The following AGRN variants were observed in gnomAD, a reference collection of about 807,000 sequenced individuals.
AGRN encodes agrin proteoglycan.
Under a neutral mutation model 211.0 loss-of-function variants are expected in AGRN, and 106 were observed. The observed-to-expected ratio is 0.50, with a 90% CI of 0.43 to 0.59. AGRN has a LOEUF of 0.59. AGRN is among the 20% of genes least tolerant of loss of function. The pLI is 0.00. For synonymous variants in AGRN, 1,525 were observed against 1,332.5 expected (o/e 1.14, Z -3.15); for missense variants, 3,040 against 2,982.6 (o/e 1.02, Z -0.45).
chr1:1,043,378 A>G lies in AGRN; in HGVS notation c.1524A>G (p.Thr508=). 3 of 1,609,372 alleles carry G rather than the reference A, an allele frequency of 1.9e-6. No homozygotes were observed. Among genetic ancestry groups the G allele is most frequent in the African/African-American group, 1.3e-5 (1 of 74,942 alleles). ...YDPVCGSDGV[T]YGSACELEAT... is the part of the protein sequence containing the mutation. Reference sequence around the variant, plus strand: ...CTGTGTGCGGCAGCGACGGCGTCACATACGGCAGCGCGTGCGAGCTGGAGG... The same window carrying G: ...CTGTGTGCGGCAGCGACGGCGTCACGTACGGCAGCGCGTGCGAGCTGGAGG... Residue 508 remains threonine, a synonymous_variant, in exon 8 of 36, where the codon ACA becomes ACG. Coordinates refer to ENST00000379370, the MANE Select transcript of AGRN (RefSeq NM_198576.4).
At position 1,051,307 on chromosome 1, in the gene AGRN, G is replaced by T; in HGVS notation, c.5308G>T (p.Asp1770Tyr). ...KEPLYVGGAP[D>Y]FSKLARAAAV... ...GCCGCTCTACGTAGGGGGCGCTCCCGACTTCAGCAAGCTGGCCCGTGCTGC... is the reference window on the plus strand; with the variant it reads ...GCCGCTCTACGTAGGGGGCGCTCCCTACTTCAGCAAGCTGGCCCGTGCTGC... Residue 1770 changes from aspartate to tyrosine, a missense_variant, in exon 31 of 36, where the codon GAC (aspartate) becomes TAC (tyrosine). This residue lies in a region of AGRN where 1,537 missense variants were observed against 1,505.0 expected (regional missense o/e 1.02). Coordinates refer to ENST00000379370, the MANE Select transcript of AGRN (RefSeq NM_198576.4). 1 of 1,572,178 alleles carries T rather than the reference G, an allele frequency of 6.4e-7. No individual in the cohort carries two copies. The highest frequency in any genetic ancestry group is 8.6e-7 in the Non-Finnish European group (1 of 1,159,560).
intron 33 of AGRN, chr1:1,052,101 G>A: frequency 1.4e-6 from 2 of 1,405,322 alleles, no homozygotes; most frequent in Non-Finnish European, 9.5e-7. Context: ...GAGCCCCCGG[G>A]GAACTTTCCA....
chr1:1,032,287 G>C lies in AGRN; in HGVS notation c.464-2990G>C, dbSNP rs1197033376. Among the ~76,000 whole-genome samples the C allele has an allele frequency of 6.6e-6, 1 of 152,188 alleles. No homozygotes were observed. Among genetic ancestry groups the C allele is most frequent in the Admixed American group, 6.5e-5 (1 of 15,280 alleles). Reference sequence around the variant, plus strand: ...GTAGAGATGTGGAGGCCTCCTGTCTGGGTGATGGGGCATGGTGCTGGTCCC... The same window carrying C: ...GTAGAGATGTGGAGGCCTCCTGTCTCGGTGATGGGGCATGGTGCTGGTCCC... On this transcript the variant is annotated intron_variant, in intron 2 of 35. Coordinates refer to ENST00000379370, the MANE Select transcript of AGRN (RefSeq NM_198576.4). This position sits in a 1 kb window ranked among gnomAD's most constrained non-coding sequence, Gnocchi z 4.7.
At chr1:1,038,458 C>T (rs1179522077) in intron 3 of AGRN, among the ~76,000 whole-genome samples, 2 of 152,238 alleles carry the variant, frequency 1.3e-5, no homozygotes, top group Non-Finnish European at 2.9e-5. Context: ...CCCCGCTCAC[C>T]CTGGTGAGCT....
intron 3 of AGRN, among the ~76,000 whole-genome samples, chr1:1,040,157 T>C (rs2100626776): frequency 6.6e-6 from 1 of 152,150 alleles, no homozygotes; most frequent in South Asian, 2.1e-4. Context: ...GCGGCAGGGC[T>C]CAGCTGTGCT....
chr1:1,051,102 C>T (rs2100686624), intron 30 of AGRN, 151 bp from the exon 31 acceptor site: 2 of 1,545,914 alleles, frequency 1.3e-6, no homozygotes, highest in South Asian at 1.2e-5. Context: ...AGGGTAGCTC[C>T]TCCCCCACTA....
chr1:1,025,069 C>T (rs1460753969), intron 2 of AGRN, among the ~76,000 whole-genome samples: 1 of 152,170 alleles, frequency 6.6e-6, no homozygotes, highest in Non-Finnish European at 1.5e-5. Flanking sequence ...TCCCTGAAGC[C>T]CCCAGGAGGG....
chr1:1,050,394 C>G, intron 28 of AGRN, 33 bp from the exon 29 acceptor site: 2 of 1,612,750 alleles, frequency 1.2e-6, no homozygotes, highest in Non-Finnish European at 8.5e-7. Context: ...GGGGAGGGGA[C>G]AGCAAAGACA....
Position 1,049,892 on chromosome 1 carries a change from C to T in AGRN, c.4745-11C>T, listed in dbSNP as rs749226273. On this transcript the variant is annotated splice_polypyrimidine_tract_variant and intron_variant, in intron 26 of 35. Transcript: ENST00000379370. ...GGGACCTCGGTCCCGGTCCCGTCTT[C>T]CTCCATCCAGGACCAACCTGTGCCG... 8.1e-6 allele frequency: 13 copies of T among 1,611,858 alleles called. 1 individual carries two copies. Among genetic ancestry groups the T allele is most frequent in the African/African-American group, 2.7e-5 (2 of 74,822 alleles).
intron 24 of AGRN, 67 bp downstream of exon 24, chr1:1,049,126 G>T: frequency 1.2e-6 from 1 of 828,284 alleles, no homozygotes; most frequent in Non-Finnish European, 1.7e-6. Context: ...GGGGGAGGGG[G>T]GGCCGGGGCA....
chr1:1,026,061 G>A (rs1344688215), intron 2 of AGRN, among the ~76,000 whole-genome samples: 1 of 152,130 alleles, frequency 6.6e-6, no homozygotes, highest in South Asian at 2.1e-4. Flanking sequence ...GGTCAGTTCT[G>A]TGGAGATGAC....
At chr1:1,020,399 C>G (rs755191677) in intron 1 of AGRN, 26 bp downstream of exon 1, 1 of 1,486,980 alleles carries the variant, frequency 6.7e-7, no homozygotes, top group Admixed American at 2.2e-5. Flanking sequence ...CCCCGGCCTC[C>G]CCTCGCGACG....
At position 1,045,851 on chromosome 1, in the gene AGRN, C is replaced by G. The variant is rs764980295; in HGVS notation, c.2655C>G (p.Ala885=). 2 of 1,611,602 alleles carry G rather than the reference C, an allele frequency of 1.2e-6. No individual in the cohort carries two copies. Among genetic ancestry groups the G allele is most frequent in the Admixed American group, 1.7e-5 (1 of 60,004 alleles). ...PKCGQCPDGR[A]LGPAGCEADA... ...GTGGGCAGTGTCCAGACGGCCGTGCCCTGGGCCCCGCGGGCTGTGAAGCTG... is the reference window on the plus strand; with the variant it reads ...GTGGGCAGTGTCCAGACGGCCGTGCGCTGGGCCCCGCGGGCTGTGAAGCTG... Residue 885 remains alanine (A), a synonymous_variant, in exon 15 of 36, where the codon GCC becomes GCG. Transcript: ENST00000379370.
chr1:1,043,206 T>C (rs1192567341), intron 7 of AGRN, 33 bp from the exon 8 acceptor site: 5 of 1,549,636 alleles, frequency 3.2e-6, no homozygotes, highest in Admixed American at 2.1e-5. Context: ...AGGGGGGGCT[T>C]GTGGGACCAC....
chr1:1,025,911 C>A (rs1644511297), intron 2 of AGRN, among the ~76,000 whole-genome samples: 1 of 152,182 alleles, frequency 6.6e-6, no homozygotes, highest in Non-Finnish European at 1.5e-5. Flanking sequence ...GAAGTCGGGG[C>A]TCGGTGCTTC....
intron 7 of AGRN, among the ~76,000 whole-genome samples, chr1:1,042,535 A>G (rs1644972443): frequency 6.6e-6 from 1 of 152,128 alleles, no homozygotes; most frequent in Non-Finnish European, 1.5e-5. Context: ...TTTTGGAGGC[A>G]GTGTCAGGAC....
rs1327744072 is a variant in AGRN at position 1,053,763 on chromosome 1, C to T, written c.5662C>T (p.Leu1888=). Residue 1888 remains leucine (L), a synonymous_variant, in exon 34 of 36, where the codon CTG becomes TTG. Transcript: ENST00000379370. The part of the protein sequence containing the change: ...LNAVTESEKA[L]QSNHFELSLR... ...CCCTCTGCCCTCCAGCGAGAAGGCACTGCAGAGCAACCACTTTGAACTGAG... is the reference window on the plus strand; with the variant it reads ...CCCTCTGCCCTCCAGCGAGAAGGCATTGCAGAGCAACCACTTTGAACTGAG... 1.2e-6 allele frequency: 2 copies of T among 1,605,040 alleles called. No homozygotes were observed. The highest frequency in any genetic ancestry group is 1.7e-6 in the Non-Finnish European group (2 of 1,176,714).
rs1477877933 is a variant in AGRN at position 1,049,720 on chromosome 1, C to T, written c.4669C>T (p.Pro1557Ser). ...CGGGGACCACCCCTGCCTGCCCAAC[C>T]CCTGCCATGGCGGGGCCCCATGCCA... ...ECGDHPCLPN[P>S]CHGGAPCQNL... is the part of the protein sequence containing the mutation. Residue 1557 changes from proline to serine, a missense_variant, in exon 26 of 36, where the codon CCC becomes TCC. This residue lies in a region of AGRN where 1,537 missense variants were observed against 1,505.0 expected (regional missense o/e 1.02). Coordinates refer to ENST00000379370, the MANE Select transcript of AGRN (RefSeq NM_198576.4). 2.5e-6 allele frequency: 4 copies of T among 1,583,742 alleles called. No individual in the cohort carries two copies. The highest frequency in any genetic ancestry group is 1.1e-5 in the South Asian group (1 of 87,998).
At chr1:1,038,346 C>T (rs1017411341) in intron 3 of AGRN, among the ~76,000 whole-genome samples, 1 of 152,210 alleles carries the variant, frequency 6.6e-6, no homozygotes, top group Non-Finnish European at 1.5e-5. Flanking sequence ...CTCCACTGCC[C>T]TGCCACATTG....
Sources: allele counts gnomAD v4.1 joint callset (sites outside exome capture counted in the v4.1 genomes callset), GRCh38; gene constraint gnomAD v4.1.1; regional missense constraint gnomAD v4.1.1; non-coding constraint Gnocchi (gnomAD v3.1); transcripts MANE v1.5; gene names NCBI Gene and HGNC (gene_info 2026-07-23, HGNC 2026-07-21).